Variants in KAZN observed in about 807,000 individuals in gnomAD.
The protein encoded by KAZN is kazrin, periplakin interacting protein, also known as kazrin.
Under a neutral mutation model 87.4 loss-of-function variants are expected in KAZN, and 40 were observed. The ratio of observed to expected loss-of-function variants is 0.46; its 90% CI spans 0.36 to 0.60. The LOEUF (loss-of-function observed/expected upper bound fraction) is 0.60, where lower values mean the gene tolerates loss of function less well. Ranked by LOEUF, KAZN falls within the 20% of genes least tolerant of loss-of-function variation. The probability of loss-of-function intolerance (pLI) is 0.00; values close to 1 mark genes in which losing one functional copy is unlikely to be tolerated. For missense variants in KAZN, 898 were observed against 1,073.9 expected (o/e 0.84, Z 2.29); for synonymous variants, 466 against 458.3 (o/e 1.02, Z -0.22).
chr1:15,012,466 G>A (rs981956959), intron 2 of KAZN, among the ~76,000 whole-genome samples: 1 of 152,154 alleles, frequency 6.6e-6, no homozygotes, highest in African/African-American at 2.4e-5. Flanking sequence ...TTGATGCAAC[G>A]CCCCACACCT....
At chr1:14,279,980 C>G in intron 2 of KAZN, among the ~76,000 whole-genome samples, 1 of 152,056 alleles carries the variant, frequency 6.6e-6, no homozygotes, top group Non-Finnish European at 1.5e-5. Context: ...CGTGTCCCCC[C>G]AAAAATCCAG....
At chr1:14,876,864 A>G (rs965257765) in intron 1 of KAZN, among the ~76,000 whole-genome samples, 3 of 152,212 alleles carry the variant, frequency 2.0e-5, no homozygotes, top group African/African-American at 7.2e-5. Context: ...AATACTGCAA[A>G]GTCATCTACT....
chr1:15,056,322 G>A lies in KAZN; in HGVS notation c.916+42G>A. The A allele has an allele frequency of 1.3e-6, 2 of 1,547,202 alleles. No individual in the cohort carries two copies. Among genetic ancestry groups the A allele is most frequent in the Non-Finnish European group, 1.8e-6 (2 of 1,138,864 alleles). On this transcript the variant is annotated intron_variant, in intron 5 of 14. Transcript: ENST00000376030. This position sits in a 1 kb window ranked among gnomAD's most constrained non-coding sequence, Gnocchi z 5.4. The stretch of plus-strand genomic sequence containing the variant: ...CCTGGCTCCACCACGGCTTCGAGGG[G>A]CTTCACAGGAGGCCATCTGACCCAG...
chr1:13,901,520 G>A (rs1639249798), intron 1 of KAZN, among the ~76,000 whole-genome samples: 1 of 152,136 alleles, frequency 6.6e-6, no homozygotes, highest in African/African-American at 2.4e-5. Flanking sequence ...AGAGAAACCT[G>A]GAGTCCCAAT....
chr1:14,234,610 TC>T (rs1229929828), intron 2 of KAZN, among the ~76,000 whole-genome samples: 2 of 152,086 alleles, frequency 1.3e-5, no homozygotes, highest in Non-Finnish European at 2.9e-5. Flanking sequence ...AAACTAATTT[TC>T]CAATTGAACA....
chr1:14,392,130 T>C lies in KAZN; in HGVS notation c.250-206853T>C, dbSNP rs114720550. 3.0e-3 allele frequency among the ~76,000 whole-genome samples: 456 copies of C among 152,308 alleles called. 2 individuals are homozygous for C. The highest frequency in any genetic ancestry group is 9.9e-3 in the African/African-American group (410 of 41,558). On this transcript the variant is annotated intron_variant, in intron 2 of 16. Transcript: ENST00000636203. ...GCCAAGATGTGAAAGCCAAAGGTGATAGCCTTTAAACGCAGTTTAAGCCTC... is the reference window on the plus strand; with the variant it reads ...GCCAAGATGTGAAAGCCAAAGGTGACAGCCTTTAAACGCAGTTTAAGCCTC...
chr1:15,001,241 CA>C (rs2102014465), intron 2 of KAZN, among the ~76,000 whole-genome samples: 1 of 151,196 alleles, frequency 6.6e-6, no homozygotes, highest in South Asian at 2.1e-4. Context: ...GCGGGTGGAT[CA>C]CTTGAAGTCA....
chr1:14,913,852 G>A (rs1657512645), intron 1 of KAZN, among the ~76,000 whole-genome samples: 3 of 152,258 alleles, frequency 2.0e-5, no homozygotes, highest in Admixed American at 2.0e-4. Context: ...CCGCAGGCGT[G>A]TGCAGACAGG....
intron 1 of KAZN, among the ~76,000 whole-genome samples, chr1:14,607,650 C>T (rs985298205): frequency 3.3e-5 from 5 of 152,194 alleles, no homozygotes; most frequent in African/African-American, 1.2e-4. Context: ...CTGCTTAGTG[C>T]TGAGCCATGT....
chr1:14,330,605 T>G (rs820626), intron 2 of KAZN, among the ~76,000 whole-genome samples: 49,324 of 152,064 alleles, frequency 0.32, 8,257 homozygotes, highest in South Asian at 0.38. Context: ...TCAGGGACTG[T>G]GTCTCTCTGC....
At chr1:14,608,668 T>C (rs1677568159) in intron 1 of KAZN, among the ~76,000 whole-genome samples, 1 of 152,142 alleles carries the variant, frequency 6.6e-6, no homozygotes, top group Non-Finnish European at 1.5e-5. Flanking sequence ...GTTTAGATCT[T>C]GAATAATAGC....
intron 2 of KAZN, among the ~76,000 whole-genome samples, chr1:14,591,829 TTCA>T (rs1354411886): frequency 6.6e-6 from 1 of 152,164 alleles, no homozygotes; most frequent in African/African-American, 2.4e-5. Context: ...GTGCGTGTGT[TTCA>T]TCAACACTGA....
chr1:14,596,183 C>T (rs1385810785), upstream of KAZN, among the ~76,000 whole-genome samples: 1 of 152,168 alleles, frequency 6.6e-6, no homozygotes, highest in Non-Finnish European at 1.5e-5. Context: ...CATAAAAAGC[C>T]GGATAACCCT....
intron 2 of KAZN, among the ~76,000 whole-genome samples, chr1:14,314,644 T>G (rs1459558561): frequency 6.6e-6 from 1 of 152,174 alleles, no homozygotes; most frequent in Non-Finnish European, 1.5e-5. Context: ...CATTCTTTTT[T>G]TTGTTGTTTA....
At chr1:13,927,284 G>A (rs964560033) in intron 1 of KAZN, among the ~76,000 whole-genome samples, 1 of 152,188 alleles carries the variant, frequency 6.6e-6, no homozygotes, top group African/African-American at 2.4e-5. Context: ...GGAACTAGAA[G>A]GTCACACAGG....
chr1:13,951,764 C>T (rs1477176590), intron 1 of KAZN, among the ~76,000 whole-genome samples: 1 of 152,128 alleles, frequency 6.6e-6, no homozygotes, highest in Non-Finnish European at 1.5e-5. Flanking sequence ...TTGTGTTTCT[C>T]TAAGTCCAGG....
At chr1:14,890,883 G>A (rs758008066) in intron 1 of KAZN, among the ~76,000 whole-genome samples, 5 of 127,512 alleles carry the variant, frequency 3.9e-5, no homozygotes, top group Admixed American at 9.8e-5. Context: ...TCGCTCTGTC[G>A]CCCAGGCTGG....
chr1:15,059,558 A>G (rs72639859), intron 5 of KAZN, among the ~76,000 whole-genome samples: 14,477 of 152,104 alleles, frequency 0.095, 1,884 homozygotes, highest in African/African-American at 0.3. Flanking sequence ...GGGAGGCCTC[A>G]TGGTCTTCCA....
chr1:14,042,482 C>T (rs1052729337), intron 1 of KAZN, among the ~76,000 whole-genome samples: 1 of 152,198 alleles, frequency 6.6e-6, no homozygotes, highest in Non-Finnish European at 1.5e-5. Context: ...CTAGGGTTCC[C>T]AGGGCAAATT....
Sources: allele counts gnomAD v4.1 joint callset (sites outside exome capture counted in the v4.1 genomes callset), GRCh38; gene constraint gnomAD v4.1.1; non-coding constraint Gnocchi (gnomAD v3.1); transcripts MANE v1.5; gene names NCBI Gene and HGNC (gene_info 2026-07-23, HGNC 2026-07-21).